The following F9 variants were observed in gnomAD, a reference collection of about 807,000 sequenced individuals.
The protein encoded by F9 is coagulation factor IX.
Under a neutral mutation model 34.1 loss-of-function variants are expected in F9, and 2 were observed. The ratio of observed to expected loss-of-function variants is 0.06; its 90% confidence interval spans 0.02 to 0.18. The LOEUF (loss-of-function observed/expected upper bound fraction) is 0.18. Ranked by LOEUF, F9 falls within the 10% of genes least tolerant of loss-of-function variation. The pLI is 1.00. For missense variants in F9, 216 were observed against 345.1 expected (o/e 0.63, Z 2.96); for synonymous variants, 137 against 118.8 (o/e 1.15, Z -1.00).
At chrX:139,546,153 G>T (rs4149704) in intron 4 of F9, among the ~76,000 whole-genome samples, 1 of 111,167 alleles carries the variant, frequency 9.0e-6, no homozygotes, top group Non-Finnish European at 1.9e-5. Context: ...CTTAGCTCCC[G>T]CTTACAAGTG....
intron 5 of F9, among the ~76,000 whole-genome samples, chrX:139,550,192 A>G (rs1927808396): frequency 8.9e-6 from 1 of 112,375 alleles, no homozygotes; most frequent in Admixed American, 9.4e-5. Flanking sequence ...CTTTTCAATG[A>G]TAAAGGTCCC....
intron 6 of F9, among the ~76,000 whole-genome samples, chrX:139,555,859 A>G (rs1753150712): frequency 1.8e-5 from 2 of 111,952 alleles, no homozygotes; most frequent in South Asian, 7.5e-4. Context: ...TAGTGAAAAA[A>G]GGGAAACTGC....
chrX:139,547,189 T>C (rs1927736811), intron 4 of F9: 1 of 111,657 alleles, frequency 9.0e-6, no homozygotes, highest in African/African-American at 3.3e-5. Context: ...ATGATAGAGG[T>C]GCCAGTGCAG....
At chrX:139,542,309 T>C (rs1368113402) in intron 4 of F9, among the ~76,000 whole-genome samples, 1 of 111,902 alleles carries the variant, frequency 8.9e-6, no homozygotes, top group Non-Finnish European at 1.9e-5. Flanking sequence ...GGCAAAGACA[T>C]TTGAAAAGAA....
At chrX:139,549,774 A>G (rs1292561798) in intron 5 of F9, among the ~76,000 whole-genome samples, 2 of 112,343 alleles carry the variant, frequency 1.8e-5, no homozygotes, top group Non-Finnish European at 3.8e-5. Flanking sequence ...TGCTGCAGAG[A>G]TTTTGTTTAT....
chrX:139,548,251 C>T, intron 4 of F9, 112 bp from the exon 5 acceptor site: 1 of 835,066 alleles, frequency 1.2e-6, no homozygotes, highest in East Asian at 3.2e-5. Context: ...ATATTGGGGG[C>T]AACATGAATG....
intron 7 of F9, 139 bp downstream of exon 7, chrX:139,560,994 C>G: frequency 1.9e-6 from 1 of 516,303 alleles, no homozygotes; most frequent in Non-Finnish European, 3.4e-6. Context: ...TTTCAGAACC[C>G]ACGTCGCACC....
intron 1 of F9, among the ~76,000 whole-genome samples, chrX:139,531,210 T>C (rs1927338217): frequency 9.0e-6 from 1 of 111,627 alleles, no homozygotes; most frequent in African/African-American, 3.3e-5. Flanking sequence ...ATAACCACAT[T>C]ATTTTTGTTT....
At chrX:139,547,151 C>T (rs904556235) in intron 4 of F9, among the ~76,000 whole-genome samples, 5 of 111,526 alleles carry the variant, frequency 4.5e-5, no homozygotes, top group African/African-American at 1.6e-4. Context: ...CTCAGAAGCA[C>T]ACCTGTACAT....
intron 6 of F9, 81 bp from the exon 7 acceptor site, chrX:139,560,660 A>G (rs1315862780): frequency 1.6e-5 from 11 of 699,638 alleles, no homozygotes; most frequent in Non-Finnish European, 2.5e-5. Context: ...TATTTTGCCT[A>G]TTCCTGTAAC....
chrX:139,561,001 C>G, intron 7 of F9, 146 bp downstream of exon 7: 2 of 505,773 alleles, frequency 4.0e-6, no homozygotes, highest in South Asian at 5.4e-5. Flanking sequence ...ACCCACGTCG[C>G]ACCGTCCTCC....
Position 139,530,842 on chromosome X carries a change from T to A in F9, c.78T>A (p.Ala26=). The stretch of plus-strand genomic sequence containing the variant: ...GCCTTTTAGGATATCTACTCAGTGC[T>A]GAATGTACAGGTTTGTTTCCTTTTT... ...TICLLGYLLS[A]ECTVFLDHEN... is the part of the protein sequence containing the mutation. Residue 26 remains alanine, a synonymous_variant, in exon 1 of 8, where the codon GCT becomes GCA. Coordinates refer to ENST00000218099, the MANE Select transcript of F9 (RefSeq NM_000133.4). 8.3e-7 allele frequency: 1 copy of A among 1,202,542 alleles called. No homozygotes were observed. Among genetic ancestry groups the A allele is most frequent in the South Asian group, 1.8e-5 (1 of 56,798 alleles).
At chrX:139,555,229 A>G (rs1205849845) in intron 6 of F9, among the ~76,000 whole-genome samples, 24 of 112,626 alleles carry the variant, frequency 2.1e-4, no homozygotes, top group Non-Finnish European at 1.1e-4. Context: ...AGATAGCCCC[A>G]TTCAGGGAGA....
intron 4 of F9, chrX:139,547,499 T>G (rs1927743450): frequency 9.0e-6 from 1 of 111,059 alleles, no homozygotes; most frequent in African/African-American, 3.3e-5. Flanking sequence ...TGGTGGGAAT[T>G]TAAGTTCGTA....
intron 4 of F9, among the ~76,000 whole-genome samples, chrX:139,544,024 CA>C (rs981715154): frequency 1.8e-5 from 2 of 111,635 alleles, no homozygotes; most frequent in African/African-American, 6.5e-5. Context: ...CAAAACAAGC[CA>C]AAGATCAACA....
At chrX:139,548,217 C>T in intron 4 of F9, 146 bp from the exon 5 acceptor site, 1 of 535,652 alleles carries the variant, frequency 1.9e-6, no homozygotes, top group Non-Finnish European at 3.1e-6. Context: ...TATTTCAAGG[C>T]TCCAAAATTT....
At chrX:139,553,799 C>A (rs1364173016) in intron 6 of F9, among the ~76,000 whole-genome samples, 2 of 76,117 alleles carry the variant, frequency 2.6e-5, no homozygotes, top group Admixed American at 4.3e-4. Context: ...GGCGACAGAG[C>A]GAGACTCCGT....
At chrX:139,557,811 A>G (rs1603266763) in intron 6 of F9, among the ~76,000 whole-genome samples, 2 of 112,730 alleles carry the variant, frequency 1.8e-5, no homozygotes, top group East Asian at 2.8e-4. Context: ...TTGCACTGAG[A>G]CAGGTCGTGC....
intron 6 of F9, among the ~76,000 whole-genome samples, chrX:139,559,005 G>T (rs1352990749): frequency 1.8e-5 from 2 of 111,554 alleles, no homozygotes; most frequent in African/African-American, 6.5e-5. Flanking sequence ...ACTGATCTCA[G>T]GGGAGTTAAT....
Sources: allele counts gnomAD v4.1 joint callset (sites outside exome capture counted in the v4.1 genomes callset), GRCh38; gene constraint gnomAD v4.1.1; transcripts MANE v1.5; gene names NCBI Gene and HGNC (gene_info 2026-07-23, HGNC 2026-07-21).